Variants in ERBB4 observed in about 807,000 individuals in gnomAD.
The protein encoded by ERBB4 is receptor tyrosine-protein kinase erbB-4.
ERBB4 carries 42 observed loss-of-function variants against 158.0 expected under a neutral mutation model. That is an observed-to-expected ratio of 0.27 (90% CI 0.21 to 0.34). ERBB4 has a LOEUF of 0.34. Among genes scored for constraint, ERBB4 ranks in the 10% least tolerant of loss-of-function variants. The pLI is 1.00. For synonymous variants in ERBB4, 583 were observed against 558.7 expected, an observed-to-expected ratio of 1.04 and a Z score of -0.61; for missense variants, 1,333 against 1,624.1, an observed-to-expected ratio of 0.82 and a Z score of 3.08.
chr2:212,276,831 G>T (rs1192284879), intron 1 of ERBB4, among the ~76,000 whole-genome samples: 1 of 151,756 alleles, frequency 6.6e-6, no homozygotes, highest in Non-Finnish European at 1.5e-5. Context: ...CCTTAGAAAA[G>T]CTATGTCATA....
chr2:212,330,297 TC>T (rs2088074479), intron 1 of ERBB4, among the ~76,000 whole-genome samples: 1 of 151,984 alleles, frequency 6.6e-6, no homozygotes, highest in South Asian at 2.1e-4. Context: ...GAAAACACTT[TC>T]CAAACAAAAT....
At chr2:212,173,074 A>G (rs1365314351) in intron 1 of ERBB4, among the ~76,000 whole-genome samples, 1 of 152,186 alleles carries the variant, frequency 6.6e-6, no homozygotes, top group African/African-American at 2.4e-5. Flanking sequence ...TTCATTTTGA[A>G]AAGTTAAAAA....
chr2:211,908,635 A>AT, intron 3 of ERBB4, among the ~76,000 whole-genome samples: 1 of 151,820 alleles, frequency 6.6e-6, no homozygotes, highest in South Asian at 2.1e-4. Flanking sequence ...TTTGCCCAGC[A>AT]TTTTATGAAA....
At chr2:211,515,289 G>T (rs527903714) in intron 20 of ERBB4, among the ~76,000 whole-genome samples, 1 of 152,106 alleles carries the variant, frequency 6.6e-6, no homozygotes, top group Non-Finnish European at 1.5e-5. Flanking sequence ...ACAATTTATT[G>T]AAGGGTGTGA....
At chr2:211,448,561 C>A in intron 20 of ERBB4, among the ~76,000 whole-genome samples, 1 of 151,902 alleles carries the variant, frequency 6.6e-6, no homozygotes, top group East Asian at 1.9e-4. Context: ...CATATAAACA[C>A]ATGGGGTGAA....
At chr2:212,268,578 G>C (rs1339200206) in intron 1 of ERBB4, among the ~76,000 whole-genome samples, 1 of 151,786 alleles carries the variant, frequency 6.6e-6, no homozygotes, top group Non-Finnish European at 1.5e-5. Context: ...CTATTTCAAG[G>C]GTCAAGAAAC....
intron 1 of ERBB4, among the ~76,000 whole-genome samples, chr2:212,213,115 C>T (rs925598464): frequency 2.0e-5 from 3 of 151,824 alleles, no homozygotes; most frequent in African/African-American, 2.4e-5. Context: ...GAAACTATCA[C>T]TCAAGTGAAC....
At chr2:211,800,513 G>C (rs1407017227) in intron 3 of ERBB4, among the ~76,000 whole-genome samples, 1 of 151,892 alleles carries the variant, frequency 6.6e-6, no homozygotes, top group Non-Finnish European at 1.5e-5. Context: ...CAGAGATGAG[G>C]CACAATTTTA....
intron 2 of ERBB4, among the ~76,000 whole-genome samples, chr2:211,996,595 A>G (rs995502336): frequency 6.6e-6 from 1 of 152,182 alleles, no homozygotes; most frequent in African/African-American, 2.4e-5. Flanking sequence ...GCCCAATTAA[A>G]AAAATTAAAA....
In ERBB4 at chr2:212,367,267, G is replaced by A. The variant is rs1167731103; in HGVS notation, c.82+171182C>T. On this transcript the variant is annotated intron_variant, in intron 1 of 27. Transcript: ENST00000342788. ...TTTCTGTTGTTTAATCCACCCATCCGTGGTGTTTTAATGTGGCAGGCCTAG... is the reference window on the plus strand; with the variant it reads ...TTTCTGTTGTTTAATCCACCCATCCATGGTGTTTTAATGTGGCAGGCCTAG... 7.2e-5 allele frequency among the ~76,000 whole-genome samples: 11 copies of A among 152,126 alleles called. No individual in the cohort carries two copies. The East Asian group carries it at 9.7e-4, about 13-fold the overall frequency.
intron 1 of ERBB4, among the ~76,000 whole-genome samples, chr2:212,172,231 C>T (rs893283250): frequency 6.6e-6 from 1 of 152,082 alleles, no homozygotes; most frequent in Non-Finnish European, 1.5e-5. Context: ...TCATACCAGT[C>T]AGAATGGCCA....
intron 20 of ERBB4, among the ~76,000 whole-genome samples, chr2:211,489,053 T>A (rs1419801525): frequency 6.6e-6 from 1 of 152,046 alleles, no homozygotes; most frequent in African/African-American, 2.4e-5. Flanking sequence ...ATCTTTTGCA[T>A]TTTCCAGGTA....
intron 12 of ERBB4, among the ~76,000 whole-genome samples, chr2:211,701,705 G>A (rs1285937270): frequency 7.5e-6 from 1 of 133,174 alleles, no homozygotes; most frequent in Non-Finnish European, 1.5e-5. Context: ...GCAGTGAGCC[G>A]AGATCTCGCC....
At chr2:212,173,770 G>T (rs537656969) in intron 1 of ERBB4, among the ~76,000 whole-genome samples, 16 of 152,104 alleles carry the variant, frequency 1.1e-4, no homozygotes, top group African/African-American at 3.9e-4. Context: ...GAGGTCAGAG[G>T]GAGCAGATAG....
intron 20 of ERBB4, among the ~76,000 whole-genome samples, chr2:211,437,011 T>A (rs191861631): frequency 2.6e-5 from 4 of 152,256 alleles, no homozygotes; most frequent in Admixed American, 6.5e-5. Flanking sequence ...TAAAATAGAT[T>A]TTCTATACCA....
chr2:211,629,820 G>GTGC (rs762545152), intron 17 of ERBB4, among the ~76,000 whole-genome samples: 45 of 152,096 alleles, frequency 3.0e-4, no homozygotes, highest in Admixed American at 9.2e-4. Context: ...TTAATAAATG[G>GTGC]TGCTGGGAAA....
At chr2:212,107,491 G>A (rs2079266780) in intron 2 of ERBB4, among the ~76,000 whole-genome samples, 1 of 152,126 alleles carries the variant, frequency 6.6e-6, no homozygotes, top group Admixed American at 6.5e-5. Flanking sequence ...GATTTTACAG[G>A]CTCATAGGCA....
intron 25 of ERBB4, among the ~76,000 whole-genome samples, chr2:211,406,989 A>G (rs2063160579): frequency 6.6e-6 from 1 of 152,060 alleles, no homozygotes; most frequent in Non-Finnish European, 1.5e-5. Flanking sequence ...CTGAGGTAAG[A>G]GGATTGCTTG....
chr2:212,191,219 T>C (rs34264667), intron 1 of ERBB4, among the ~76,000 whole-genome samples: 20,841 of 152,130 alleles, frequency 0.14, 1,583 homozygotes, highest in South Asian at 0.23. Context: ...ATATCCCCTT[T>C]TTCTGATTCT....
Sources: allele counts gnomAD v4.1 joint callset (sites outside exome capture counted in the v4.1 genomes callset), GRCh38; gene constraint gnomAD v4.1.1; transcripts MANE v1.5; gene names NCBI Gene and HGNC (gene_info 2026-07-23, HGNC 2026-07-21).